Variants in ARHGAP24 observed in about 807,000 individuals in gnomAD.
ARHGAP24 encodes Rho GTPase activating protein 24, also known as rho GTPase-activating protein 24.
In ARHGAP24, 50 loss-of-function variants were observed where a neutral mutation model predicts 76.4. The observed-to-expected ratio is 0.65, with a 90% confidence interval of 0.52 to 0.83. ARHGAP24 has a LOEUF of 0.83. Among genes scored for constraint, ARHGAP24 ranks in the 40% least tolerant of loss-of-function variants. The pLI, the probability that ARHGAP24 is intolerant of heterozygous loss-of-function variation, is 0.00. For synonymous variants in ARHGAP24, 345 were observed against 323.3 expected (o/e 1.07, Z -0.72); for missense variants, 930 against 914.2 (o/e 1.02, Z -0.22).
At position 85,879,334 on chromosome 4, in the gene ARHGAP24, T is replaced by C. The variant is rs142008988; in HGVS notation, c.269-44314T>C. ...GTACGACACGTTAAGCATCTTTATA[T>C]ATCCTGGAGATGTACTCTGATCACC... On this transcript the variant is annotated intron_variant, in intron 3 of 9. Coordinates refer to ENST00000395184, the MANE Select transcript of ARHGAP24 (RefSeq NM_001025616.3). Among the ~76,000 whole-genome samples the C allele has an allele frequency of 3.8e-3, 577 of 152,294 alleles. 27 individuals are homozygous for C. In the East Asian group the frequency reaches 0.079, roughly 21 times the overall value.
intron 1 of ARHGAP24, among the ~76,000 whole-genome samples, chr4:85,519,676 A>T (rs953442961): frequency 6.6e-6 from 1 of 152,042 alleles, no homozygotes; most frequent in Admixed American, 6.6e-5. Context: ...CAGCAATTCG[A>T]TTTTTCTAGA....
chr4:85,757,599 C>G lies in ARHGAP24; in HGVS notation c.268+35627C>G, dbSNP rs570620473. ...CCATGGTGTATATGTGCCACATTTT[C>G]TTAACCCAGCCTATCATTAATGGAC... On this transcript the variant is annotated intron_variant, in intron 3 of 9. Coordinates refer to ENST00000395184, the MANE Select transcript of ARHGAP24 (RefSeq NM_001025616.3). Among the ~76,000 whole-genome samples, 331 of 152,318 alleles carry G rather than the reference C, an allele frequency of 2.2e-3. 3 individuals are homozygous for G. Among genetic ancestry groups the G allele is most frequent in the African/African-American group, 7.7e-3 (319 of 41,572 alleles).
chr4:85,487,703 T>TTA (rs1553909706), intron 1 of ARHGAP24, among the ~76,000 whole-genome samples: 1 of 100,650 alleles, frequency 9.9e-6, no homozygotes, highest in African/African-American at 5.1e-5. Flanking sequence ...TATATATTTA[T>TTA]TATATTATAT....
rs1201373562 is a variant in ARHGAP24 at position 85,775,985 on chromosome 4, C to T, written c.268+54013C>T. ...AGGAGAATGAACTGTGAGAGGTGTA[C>T]GTATGTGCTGGAATTGGCTTAAGAG... On this transcript the variant is annotated intron_variant, in intron 3 of 9. Transcript: ENST00000395184. Among the ~76,000 whole-genome samples the T allele has an allele frequency of 3.3e-5, 5 of 151,996 alleles. No homozygotes were observed. The East Asian group carries it at 5.8e-4, about 18-fold the overall frequency.
intron 3 of ARHGAP24, among the ~76,000 whole-genome samples, chr4:85,800,827 C>T (rs1365046808): frequency 6.6e-6 from 1 of 152,068 alleles, no homozygotes; most frequent in East Asian, 1.9e-4. Context: ...AACATTTTAG[C>T]ACAAGTAGTT....
chr4:85,784,433 A>C (rs765430215), intron 3 of ARHGAP24, among the ~76,000 whole-genome samples: 16 of 151,680 alleles, frequency 1.1e-4, no homozygotes, highest in Non-Finnish European at 2.1e-4. Flanking sequence ...CTATGGCTTC[A>C]TCTTAAAGCT....
chr4:85,603,201 T>A (rs1390492963), intron 2 of ARHGAP24, among the ~76,000 whole-genome samples: 2 of 152,180 alleles, frequency 1.3e-5, no homozygotes, highest in African/African-American at 4.8e-5. Context: ...ATTTGGGGGA[T>A]AAGAAAAATC....
chr4:85,704,886 A>G (rs1020715560), intron 2 of ARHGAP24, among the ~76,000 whole-genome samples: 1 of 152,168 alleles, frequency 6.6e-6, no homozygotes, highest in Non-Finnish European at 1.5e-5. Context: ...AGAAAACATC[A>G]TAAGGTACTT....
chr4:85,929,338 A>G (rs1736191889), intron 4 of ARHGAP24, among the ~76,000 whole-genome samples: 1 of 152,244 alleles, frequency 6.6e-6, no homozygotes, highest in Non-Finnish European at 1.5e-5. Context: ...CAGAGTAATG[A>G]TGTTTTTAAT....
At chr4:85,911,787 A>G (rs1468605622) in intron 3 of ARHGAP24, among the ~76,000 whole-genome samples, 1 of 152,220 alleles carries the variant, frequency 6.6e-6, no homozygotes, top group African/African-American at 2.4e-5. Flanking sequence ...GCAAATGATT[A>G]TTGGGAGTCA....
Position 85,995,637 on chromosome 4 carries a change from G to T in ARHGAP24, c.1983G>T (p.Glu661Asp), listed in dbSNP as rs150832963. 3.8e-5 allele frequency: 62 copies of T among 1,613,852 alleles called. No homozygotes were observed. The African/African-American group carries it at 7.7e-4, about 20-fold the overall frequency. The change falls in exon 9 of 10, where the codon GAG (glutamate) becomes GAT (aspartate). Residue 661 changes from glutamate (E) to aspartate (D), a missense_variant. Transcript: ENST00000395184. ...LKQEMTKQKI[E>D]YESRIKSLEQ... is the part of the protein sequence containing the mutation. ...AGGAAATGACCAAACAGAAGATAGAGTATGAGTCCAGGATAAAGAGGTAAG... is the reference window on the plus strand; with the variant it reads ...AGGAAATGACCAAACAGAAGATAGATTATGAGTCCAGGATAAAGAGGTAAG...
At chr4:85,681,276 ATG>A (rs1723195193) in intron 2 of ARHGAP24, among the ~76,000 whole-genome samples, 1 of 152,190 alleles carries the variant, frequency 6.6e-6, no homozygotes, top group Admixed American at 6.5e-5. Context: ...TGACAATCCT[ATG>A]ACTCAAGTCT....
At position 85,943,822 on chromosome 4, in the gene ARHGAP24, G is replaced by T. The variant is rs186124030; in HGVS notation, c.599+1549G>T. 2.0e-5 allele frequency among the ~76,000 whole-genome samples: 3 copies of T among 151,816 alleles called. No individual in the cohort carries two copies. In the East Asian group the frequency reaches 5.8e-4, roughly 29 times the overall value. On this transcript the variant is annotated intron_variant, in intron 5 of 9. Coordinates refer to ENST00000395184, the MANE Select transcript of ARHGAP24 (RefSeq NM_001025616.3). Reference sequence around the variant, plus strand: ...TTTTAAGGCTGCATAGTATTCCATGGTGTATATGTGCCACATTTTCTTTAT... The same window carrying T: ...TTTTAAGGCTGCATAGTATTCCATGTTGTATATGTGCCACATTTTCTTTAT...
At chr4:85,578,055 T>C (rs1348869648) in intron 2 of ARHGAP24, among the ~76,000 whole-genome samples, 1 of 152,228 alleles carries the variant, frequency 6.6e-6, no homozygotes, top group Non-Finnish European at 1.5e-5. Context: ...CCCATTTTTC[T>C]TGGTTTATTA....
At chr4:85,906,910 G>A (rs1418068712) in intron 3 of ARHGAP24, among the ~76,000 whole-genome samples, 1 of 152,118 alleles carries the variant, frequency 6.6e-6, no homozygotes, top group Non-Finnish European at 1.5e-5. Flanking sequence ...GTAAATTGGG[G>A]AGACATTTTC....
intron 3 of ARHGAP24, among the ~76,000 whole-genome samples, chr4:85,881,765 C>T (rs1344087988): frequency 6.6e-6 from 1 of 152,148 alleles, no homozygotes; most frequent in African/African-American, 2.4e-5. Context: ...ACATAGGAAC[C>T]AACATTTGCT....
At chr4:85,688,560 C>A (rs1447463126) in intron 2 of ARHGAP24, among the ~76,000 whole-genome samples, 1 of 152,164 alleles carries the variant, frequency 6.6e-6, no homozygotes, top group Non-Finnish European at 1.5e-5. Flanking sequence ...TTTTCCTGTG[C>A]AGAAGCTCTT....
chr4:85,504,346 G>T (rs996836902), intron 1 of ARHGAP24, among the ~76,000 whole-genome samples: 3 of 152,150 alleles, frequency 2.0e-5, no homozygotes, highest in African/African-American at 7.2e-5. Flanking sequence ...TATTGTGTGG[G>T]AGTCTAAGTC....
chr4:85,903,045 AT>A (rs1175980336), intron 3 of ARHGAP24, among the ~76,000 whole-genome samples: 1 of 152,240 alleles, frequency 6.6e-6, no homozygotes, highest in Non-Finnish European at 1.5e-5. Flanking sequence ...CAAACAGATT[AT>A]TTTTATGTAT....
Sources: allele counts gnomAD v4.1 joint callset (sites outside exome capture counted in the v4.1 genomes callset), GRCh38; gene constraint gnomAD v4.1.1; transcripts MANE v1.5; gene names NCBI Gene and HGNC (gene_info 2026-07-23, HGNC 2026-07-21).